PDE4D: variants seen among roughly 807,000 people sequenced by gnomAD.
PDE4D encodes phosphodiesterase 4D.
PDE4D carries 24 observed loss-of-function variants against 87.4 expected under a neutral mutation model. That is an observed-to-expected ratio of 0.27 (90% confidence interval 0.20 to 0.39). PDE4D has a LOEUF of 0.39. Ranked by LOEUF, PDE4D falls within the 10% of genes least tolerant of loss-of-function variation. PDE4D has a pLI of 1.00. For synonymous variants in PDE4D, 384 were observed against 383.2 expected (o/e 1.00, Z -0.02); for missense variants, 714 against 1,041.0 (o/e 0.69, Z 4.32).
At chr5:60,332,033 C>T (rs1011916539) in intron 1 of PDE4D, among the ~76,000 whole-genome samples, 12 of 152,108 alleles carry the variant, frequency 7.9e-5, no homozygotes, top group African/African-American at 2.4e-4. Flanking sequence ...GAAAATATTA[C>T]CTAAACCGTA....
chr5:59,879,245 C>T (rs766053714), intron 1 of PDE4D, among the ~76,000 whole-genome samples: 3 of 152,170 alleles, frequency 2.0e-5, no homozygotes, highest in Non-Finnish European at 4.4e-5. Flanking sequence ...CACATAATTT[C>T]CCTGCTTAAA....
chr5:59,707,763 T>C (rs1017795556), intron 1 of PDE4D, among the ~76,000 whole-genome samples: 3 of 152,060 alleles, frequency 2.0e-5, no homozygotes, highest in African/African-American at 7.2e-5. Context: ...AGAACATTCA[T>C]CCACGTCCCT....
intron 1 of PDE4D, among the ~76,000 whole-genome samples, chr5:59,436,920 T>G (rs1796875921): frequency 6.6e-6 from 1 of 152,178 alleles, no homozygotes; most frequent in East Asian, 1.9e-4. Context: ...AGGAAGTTAG[T>G]GAATCAGGTA....
rs1210669656 is a variant in PDE4D at position 59,546,153 on chromosome 5, A to G, written c.456-330185T>C. ...TTTATCCAATAGCACAGTAAGCACT[A>G]TTCCTAGAGCTCATAATTTTAGGAG... On this transcript the variant is annotated intron_variant, in intron 1 of 14. Transcript: ENST00000340635. Among the ~76,000 whole-genome samples the G allele has an allele frequency of 5.9e-5, 9 of 152,274 alleles. No homozygotes were observed. In the East Asian group the frequency reaches 1.5e-3, roughly 26 times the overall value.
intron 1 of PDE4D, among the ~76,000 whole-genome samples, chr5:59,671,161 C>T (rs17381723): frequency 0.18 from 28,119 of 152,152 alleles, 3,185 homozygotes; most frequent in South Asian, 0.26. Flanking sequence ...GTTATCAATA[C>T]AAGAGGCAAA....
chr5:60,187,270 C>G (rs1366562526), intron 1 of PDE4D, among the ~76,000 whole-genome samples: 1 of 152,120 alleles, frequency 6.6e-6, no homozygotes, highest in African/African-American at 2.4e-5. Context: ...GCTAGTACAC[C>G]TCCAGGAATT....
intron 5 of PDE4D, among the ~76,000 whole-genome samples, chr5:59,111,857 A>C (rs1244805733): frequency 6.6e-6 from 1 of 152,248 alleles, no homozygotes; most frequent in East Asian, 1.9e-4. Context: ...GAATGTACTG[A>C]GCAACCTAGC....
At chr5:59,545,959 A>C (rs1392748300) in intron 1 of PDE4D, among the ~76,000 whole-genome samples, 1 of 152,170 alleles carries the variant, frequency 6.6e-6, no homozygotes, top group African/African-American at 2.4e-5. Flanking sequence ...TCTCTTTCCA[A>C]ACCCTGAGTC....
chr5:59,459,777 T>C (rs531389338), intron 1 of PDE4D, among the ~76,000 whole-genome samples: 1 of 152,340 alleles, frequency 6.6e-6, no homozygotes, highest in East Asian at 1.9e-4. Flanking sequence ...CCTGTGTGGT[T>C]GTTAACTAAT....
chr5:59,928,908 A>G (rs1234354609), intron 3 of PDE4D, among the ~76,000 whole-genome samples: 1 of 150,784 alleles, frequency 6.6e-6, no homozygotes, highest in Non-Finnish European at 1.5e-5. Flanking sequence ...TATATATTAG[A>G]TCATATATAT....
intron 3 of PDE4D, among the ~76,000 whole-genome samples, chr5:59,914,224 A>G (rs1330627790): frequency 6.6e-6 from 1 of 152,208 alleles, no homozygotes; most frequent in East Asian, 1.9e-4. Flanking sequence ...AATAGACAAC[A>G]AATTAATATA....
At chr5:58,998,823 G>A (rs967595762) in intron 6 of PDE4D, among the ~76,000 whole-genome samples, 2 of 152,114 alleles carry the variant, frequency 1.3e-5, no homozygotes, top group East Asian at 1.9e-4. Flanking sequence ...TCCTTCTATT[G>A]TGGAGACAGG....
upstream of PDE4D, among the ~76,000 whole-genome samples, chr5:59,897,739 G>A (rs996172266): frequency 6.6e-6 from 1 of 152,006 alleles, no homozygotes. Flanking sequence ...TTGAGCACAT[G>A]AGTGCTACTT....
chr5:60,238,910 A>AT (rs1383303787), intron 1 of PDE4D, among the ~76,000 whole-genome samples: 2 of 151,800 alleles, frequency 1.3e-5, no homozygotes, highest in Non-Finnish European at 1.5e-5. Flanking sequence ...TGAGGTTGCA[A>AT]TTTTTTTGAA....
At chr5:59,115,758 T>A (rs1773497209) in intron 5 of PDE4D, among the ~76,000 whole-genome samples, 1 of 152,188 alleles carries the variant, frequency 6.6e-6, no homozygotes, top group African/African-American at 2.4e-5. Context: ...ATCATGCTTA[T>A]CAACACATAA....
Position 59,910,035 on chromosome 5 carries a change from C to T in PDE4D, c.272+78453G>A, listed in dbSNP as rs140308677. ...TCTACTTATTCACTTCCAACTCGTT[C>T]AACTCCAAACACAAGGCAATGTCAA... On this transcript the variant is annotated intron_variant, in intron 3 of 16. Coordinates refer to the PDE4D transcript ENST00000502484. Among the ~76,000 whole-genome samples the T allele has an allele frequency of 4.1e-4, 63 of 152,312 alleles. No homozygotes were observed. The East Asian group carries it at 0.012, about 28-fold the overall frequency.
In PDE4D at chr5:59,893,221, G is replaced by C; in HGVS notation, c.402C>G (p.Pro134=). ...TSYAVETGHR[P]GLKKSRMSWP... is the part of the protein sequence containing the mutation. ...AGGACATCCTGGATTTCTTCAGGCC[G>C]GGCCGGTGGCCGGTCTCCACCGCGT... The change falls in exon 1 of 15, where the codon CCC becomes CCG. Residue 134 remains proline (P), a synonymous_variant. Coordinates refer to ENST00000340635, the MANE Select transcript of PDE4D (RefSeq NM_001104631.2). 6.4e-7 allele frequency: 1 copy of C among 1,562,190 alleles called. No homozygotes were observed. The highest frequency in any genetic ancestry group is 8.7e-7 in the Non-Finnish European group (1 of 1,152,914).
At chr5:60,074,515 T>C (rs1773073751) in intron 2 of PDE4D, among the ~76,000 whole-genome samples, 1 of 152,200 alleles carries the variant, frequency 6.6e-6, no homozygotes, top group African/African-American at 2.4e-5. Context: ...TGTAGATGTC[T>C]ATTAGGTCCA....
intron 1 of PDE4D, among the ~76,000 whole-genome samples, chr5:59,536,780 T>C (rs1336445634): frequency 6.6e-6 from 1 of 152,168 alleles, no homozygotes. Flanking sequence ...AATGGCACTA[T>C]AGAAAAATAT....
Sources: allele counts gnomAD v4.1 joint callset (sites outside exome capture counted in the v4.1 genomes callset), GRCh38; gene constraint gnomAD v4.1.1; transcripts MANE v1.5; gene names NCBI Gene and HGNC (gene_info 2026-07-23, HGNC 2026-07-21).